TFPT: variants seen among roughly 807,000 people sequenced by gnomAD.
TFPT encodes TCF3 fusion partner.
In TFPT, 27 loss-of-function variants were observed where a neutral mutation model predicts 28.8. The ratio of observed to expected loss-of-function variants is 0.94; its 90% CI spans 0.69 to 1.29. The LOEUF (loss-of-function observed/expected upper bound fraction) is 1.29, where lower values mean the gene tolerates loss of function less well. Among genes scored for constraint, TFPT ranks in the 50% most tolerant of loss-of-function variants. The pLI is 0.00. For missense variants in TFPT, 330 were observed against 338.0 expected, an observed-to-expected ratio of 0.98 and a Z score of 0.19; for synonymous variants, 152 against 142.8, an observed-to-expected ratio of 1.06 and a Z score of -0.46.
At chr19:54,114,137 G>A (rs1403022794) in intron 2 of TFPT, among the ~76,000 whole-genome samples, 1 of 152,178 alleles carries the variant, frequency 6.6e-6, no homozygotes, top group Non-Finnish European at 1.5e-5. Flanking sequence ...GTGAATCCTG[G>A]CAGGGGTATG....
chr19:54,110,216 T>C (rs2073415203), intron 2 of TFPT, 95 bp from the exon 3 acceptor site: 11 of 1,363,228 alleles, frequency 8.1e-6, no homozygotes, highest in African/African-American at 1.4e-5. Context: ...CTCTGGAGAC[T>C]GGCCAAAGAC....
At position 54,110,246 on chromosome 19, in the gene TFPT, C is replaced by T. The variant is rs1438053784; in HGVS notation, c.283-125G>A. ...AAAGACCATCCCGTGGCCTGAGGTCCTTCCACCTTCCCATCCCTCCGGCTC... is the reference window on the plus strand; with the variant it reads ...AAAGACCATCCCGTGGCCTGAGGTCTTTCCACCTTCCCATCCCTCCGGCTC... On this transcript the variant is annotated intron_variant, in intron 2 of 5. Transcript: ENST00000391759. The T allele has an allele frequency of 5.3e-6, 5 of 945,598 alleles. No homozygotes were observed. The African/African-American group carries it at 8.1e-5, about 15-fold the overall frequency. 58.6% of individuals were successfully genotyped at this position (945,598 alleles called of 1,614,324 possible).
At chr19:54,109,417 C>T (rs2073379324) in intron 3 of TFPT, among the ~76,000 whole-genome samples, 1 of 152,184 alleles carries the variant, frequency 6.6e-6, no homozygotes, top group South Asian at 2.1e-4. Context: ...GCACATAGCC[C>T]TGGGCCACTG....
At chr19:54,113,726 CTG>C (rs1428694846) in intron 2 of TFPT, among the ~76,000 whole-genome samples, 5 of 152,300 alleles carry the variant, frequency 3.3e-5, no homozygotes, top group Admixed American at 2.6e-4. Context: ...GAGTCTCACT[CTG>C]TCACCCAGGC....
Position 54,115,331 on chromosome 19 carries a change from G to A in TFPT, c.-62C>T. 1 of 1,612,478 alleles carries A rather than the reference G, an allele frequency of 6.2e-7. No individual in the cohort carries two copies. The highest frequency in any genetic ancestry group is 8.5e-7 in the Non-Finnish European group (1 of 1,179,522). ...CCGACCTCTTCAATCTGTAGGTTAAGCCGTTCGCAAAACTACTTGTCCCAT... is the reference window on the plus strand; with the variant it reads ...CCGACCTCTTCAATCTGTAGGTTAAACCGTTCGCAAAACTACTTGTCCCAT... On this transcript the variant is annotated 5_prime_UTR_variant, in exon 1 of 6. Transcript: ENST00000391759.
chr19:54,107,770 C>G (rs2073314269), intron 5 of TFPT, among the ~76,000 whole-genome samples: 1 of 152,112 alleles, frequency 6.6e-6, no homozygotes, highest in Non-Finnish European at 1.5e-5. Flanking sequence ...ACTTTGCCTC[C>G]TTTTTACCCA....
At chr19:54,110,711 A>C (rs369543785) in intron 2 of TFPT, among the ~76,000 whole-genome samples, 6 of 151,870 alleles carry the variant, frequency 4.0e-5, no homozygotes, top group South Asian at 2.1e-4. Flanking sequence ...CAAAAAAAAA[A>C]ATTGCAACAC....
Position 54,108,176 on chromosome 19 carries a change from C to CT in TFPT, c.491dup (p.Thr165AspfsTer21), listed in dbSNP as rs780423005. On this transcript the variant is annotated frameshift_variant, in exon 5 of 6. Transcript: ENST00000391759. LOFTEE classifies it high-confidence loss of function. ...GAGTCCTTCTGGGCGGGGACAGTGTCTCTTTCTCTGGAGGCTCATTCTCCG... is the reference window on the plus strand; with the variant it reads ...GAGTCCTTCTGGGCGGGGACAGTGTCTTCTTTCTCTGGAGGCTCATTCTCCG... 2 of 1,595,522 alleles carry CT rather than the reference C, an allele frequency of 1.3e-6. No homozygotes were observed. Among genetic ancestry groups the CT allele is most frequent in the South Asian group, 2.3e-5 (2 of 88,620 alleles).
At chr19:54,112,011 T>C (rs1286947346) in intron 2 of TFPT, among the ~76,000 whole-genome samples, 1 of 151,806 alleles carries the variant, frequency 6.6e-6, no homozygotes, top group Non-Finnish European at 1.5e-5. Flanking sequence ...TGGCTCTGGC[T>C]TGGCACAGTG....
At chr19:54,110,179 C>G in intron 2 of TFPT, 58 bp from the exon 3 acceptor site, 2 of 1,592,584 alleles carry the variant, frequency 1.3e-6, no homozygotes, top group South Asian at 1.1e-5. Context: ...ATTTGTTTAA[C>G]GGATGTTTAA....
At chr19:54,108,441 G>C (rs200879577) in intron 3 of TFPT, 46 bp from the exon 4 acceptor site, 192 of 1,613,866 alleles carry the variant, frequency 1.2e-4, no homozygotes, top group Admixed American at 6.7e-5. Flanking sequence ...ATCTCCTAGC[G>C]GCTGGGGAAA....
Position 54,115,376 on chromosome 19 carries a change from C to A in TFPT, c.-107G>T. The stretch of plus-strand genomic sequence containing the variant: ...TCCCATCAGGCTCAGCAGCCGAGGA[C>A]GGCGGGACGTGGCCCTAGGCCTTGT... On this transcript the variant is annotated 5_prime_UTR_variant, in exon 1 of 6. Transcript: ENST00000391759. 6.5e-7 allele frequency: 1 copy of A among 1,548,358 alleles called. No homozygotes were observed. Among genetic ancestry groups the A allele is most frequent in the Non-Finnish European group, 8.9e-7 (1 of 1,126,922 alleles).
chr19:54,108,163 G>C lies in TFPT; in HGVS notation c.505C>G (p.Pro169Ala), dbSNP rs762910213. Residue 169 changes from proline (P) to alanine (A), a missense_variant, in exon 5 of 6, where the codon CCC becomes GCC. Pro to Ala is a conservative substitution (Grantham distance 27, BLOSUM62 -1). Transcript: ENST00000391759. ...EPPEKETLSP[P>A]RRTPAPPEPG... Reference sequence around the variant, plus strand: ...TCTGGGGGTGCAGGAGTCCTTCTGGGCGGGGACAGTGTCTCTTTCTCTGGA... The same window carrying C: ...TCTGGGGGTGCAGGAGTCCTTCTGGCCGGGGACAGTGTCTCTTTCTCTGGA... 9 of 1,592,452 alleles carry C rather than the reference G, an allele frequency of 5.7e-6. No individual in the cohort carries two copies. Among genetic ancestry groups the C allele is most frequent in the Middle Eastern group, 1.7e-4 (1 of 5,928 alleles).
At chr19:54,107,553 TCA>T (rs1213880904) in intron 5 of TFPT, 4 of 293,546 alleles carry the variant, frequency 1.4e-5, no homozygotes, top group African/African-American at 8.8e-5. Flanking sequence ...CTGGCCAGCC[TCA>T]CAGTTCTTGT....
intron 2 of TFPT, 98 bp downstream of exon 2, chr19:54,114,344 C>A (rs916738191): frequency 1.1e-5 from 16 of 1,510,526 alleles, no homozygotes; most frequent in Non-Finnish European, 1.4e-5. Context: ...AATATATCAG[C>A]AAGCCAAGAA....
Position 54,108,075 on chromosome 19 carries a change from TC to T in TFPT, c.592del (p.Asp198MetfsTer9). ...SGRKRRRVPR[D>X]GRRAGNALTP... ...CAGCGCATTTCCTGCTCGGCGTCCA[TC>T]CCGTGGCACTCGCCGCCTCTTCCGC... On this transcript the variant is annotated frameshift_variant, in exon 5 of 6. Coordinates refer to ENST00000391759, the MANE Select transcript of TFPT (RefSeq NM_013342.4). LOFTEE classifies it high-confidence loss of function. 6.4e-7 allele frequency: 1 copy of T among 1,554,078 alleles called. No homozygotes were observed.
intron 5 of TFPT, among the ~76,000 whole-genome samples, 190 bp downstream of exon 5, chr19:54,107,836 T>C (rs1345253986): frequency 2.6e-5 from 4 of 152,122 alleles, no homozygotes; most frequent in Admixed American, 6.5e-5. Context: ...GCCTCCAACA[T>C]GTCCTGGTTC....
Position 54,115,311 on chromosome 19 carries a change from C to G in TFPT, c.-42G>C, listed in dbSNP as rs765834426. ...AGCCCCGGGCCTCAGAGCTTCCGACCTCTTCAATCTGTAGGTTAAGCCGTT... is the reference window on the plus strand; with the variant it reads ...AGCCCCGGGCCTCAGAGCTTCCGACGTCTTCAATCTGTAGGTTAAGCCGTT... On this transcript the variant is annotated 5_prime_UTR_variant, in exon 1 of 6. Transcript: ENST00000391759. 6.2e-7 allele frequency: 1 copy of G among 1,613,726 alleles called. No individual in the cohort carries two copies. The highest frequency in any genetic ancestry group is 1.7e-5 in the Admixed American group (1 of 60,018).
intron 3 of TFPT, 122 bp from the exon 4 acceptor site, chr19:54,108,517 T>G: frequency 1.9e-6 from 3 of 1,613,040 alleles, no homozygotes; most frequent in Non-Finnish European, 2.5e-6. Flanking sequence ...AGCCAGACGG[T>G]CCTGAGCTCT....
Sources: gnomAD v4.1 joint callset for allele counts (sites outside exome capture counted in the v4.1 genomes callset) on GRCh38, gnomAD v4.1.1 for gene constraint, MANE v1.5 for transcripts, NCBI Gene and HGNC (gene_info 2026-07-23, HGNC 2026-07-21) for gene names.